Variants in ARHGAP22 observed in about 807,000 individuals in gnomAD.
ARHGAP22 encodes Rho GTPase activating protein 22.
A neutral mutation model predicts 59.1 loss-of-function variants in ARHGAP22; 48 were observed. That is an observed-to-expected ratio of 0.81 (90% CI 0.64 to 1.03). The LOEUF is 1.03. Ranked by LOEUF, ARHGAP22 falls within the 50% of genes least tolerant of loss-of-function variation. The probability of loss-of-function intolerance (pLI) is 0.00; values close to 1 mark genes in which losing one functional copy is unlikely to be tolerated. For missense variants in ARHGAP22, 1,015 were observed against 958.7 expected (o/e 1.06, Z -0.78); for synonymous variants, 445 against 416.4 (o/e 1.07, Z -0.84).
At chr10:48,524,605 A>C (rs555975777) in intron 3 of ARHGAP22, among the ~76,000 whole-genome samples, 36 of 152,168 alleles carry the variant, frequency 2.4e-4, no homozygotes, top group Admixed American at 1.6e-3. Context: ...CCCCAACCCC[A>C]CCAGCATCCT....
In ARHGAP22 at chr10:48,546,684, G is replaced by T. The variant is rs569809389; in HGVS notation, c.322+8779C>A. 7.3e-5 allele frequency: 12 copies of T among 164,178 alleles called. No homozygotes were observed. The South Asian group carries it at 9.2e-4, about 13-fold the overall frequency. 10.2% of individuals were successfully genotyped at this position (164,178 alleles called of 1,614,324 possible). On this transcript the variant is annotated intron_variant, in intron 3 of 9. Transcript: ENST00000249601. ...TTTGCTGAATGCTTTGAACTCTGAG[G>T]TTACTTACTGTGCCGTTGGCCAAGG...
intron 3 of ARHGAP22, among the ~76,000 whole-genome samples, chr10:48,483,319 A>G (rs2049513160): frequency 6.6e-6 from 1 of 152,204 alleles, no homozygotes. Context: ...CTACTGCTCA[A>G]GGTCACTGCC....
the ARHGAP22 span, among the ~76,000 whole-genome samples, chr10:48,432,056 T>A: frequency 1.3e-5 from 2 of 152,214 alleles, no homozygotes; most frequent in African/African-American, 4.8e-5. Flanking sequence ...GTGTGTGGTT[T>A]TTTCAGCCTC....
chr10:48,562,180 C>T (rs975590419), intron 2 of ARHGAP22, among the ~76,000 whole-genome samples: 28 of 150,226 alleles, frequency 1.9e-4, no homozygotes, highest in Admixed American at 3.3e-4. Context: ...GAGCTGAGAT[C>T]GAGCCACTGC....
intron 3 of ARHGAP22, among the ~76,000 whole-genome samples, chr10:48,551,711 G>C (rs1338510242): frequency 6.6e-6 from 1 of 152,220 alleles, no homozygotes; most frequent in Non-Finnish European, 1.5e-5. Flanking sequence ...AAGTCCCACT[G>C]GCACTAAAGC....
chr10:48,528,134 T>C (rs2054500983), intron 3 of ARHGAP22, among the ~76,000 whole-genome samples: 1 of 152,206 alleles, frequency 6.6e-6, no homozygotes, highest in East Asian at 1.9e-4. Context: ...TCCTGAAGCC[T>C]GTGCAGCCTG....
chr10:48,593,657 T>C (rs2059899002), intron 1 of ARHGAP22, among the ~76,000 whole-genome samples: 1 of 152,250 alleles, frequency 6.6e-6, no homozygotes, highest in South Asian at 2.1e-4. Flanking sequence ...ATTCATGTGC[T>C]GGGCAAGATA....
At chr10:48,494,294 G>A (rs1023417767) in intron 3 of ARHGAP22, among the ~76,000 whole-genome samples, 8 of 152,192 alleles carry the variant, frequency 5.3e-5, no homozygotes, top group Admixed American at 2.6e-4. Context: ...GTCAGCTGCT[G>A]CCTTTATGGT....
chr10:48,617,086 T>C (rs558433120), intron 1 of ARHGAP22, among the ~76,000 whole-genome samples: 2 of 128,816 alleles, frequency 1.6e-5, no homozygotes, highest in Non-Finnish European at 3.2e-5. Flanking sequence ...CAGAGATATA[T>C]AGAAAAAAAG....
At chr10:48,441,527 C>T (rs190759227), downstream of ARHGAP22, among the ~76,000 whole-genome samples, 2 of 151,142 alleles carry the variant, frequency 1.3e-5, no homozygotes, top group African/African-American at 4.9e-5. Context: ...TCTCCGCTCA[C>T]TGCAAACTCC....
chr10:48,518,209 A>C (rs1482928790), intron 3 of ARHGAP22, among the ~76,000 whole-genome samples: 1 of 152,114 alleles, frequency 6.6e-6, no homozygotes, highest in Non-Finnish European at 1.5e-5. Flanking sequence ...ACATCCCAGC[A>C]TGTGGTTCCA....
chr10:48,571,330 T>C (rs1170050677), intron 2 of ARHGAP22, among the ~76,000 whole-genome samples: 1 of 152,206 alleles, frequency 6.6e-6, no homozygotes, highest in Non-Finnish European at 1.5e-5. Context: ...ATTCAGAGCT[T>C]CATATACTGC....
chr10:48,463,376 C>T (rs919165584), intron 4 of ARHGAP22, among the ~76,000 whole-genome samples: 3 of 152,218 alleles, frequency 2.0e-5, no homozygotes, highest in Admixed American at 2.0e-4. Flanking sequence ...CTACACCTCT[C>T]AGGACCAGAG....
chr10:48,609,370 C>T (rs1411387648), upstream of ARHGAP22, among the ~76,000 whole-genome samples: 1 of 152,162 alleles, frequency 6.6e-6, no homozygotes, highest in African/African-American at 2.4e-5. Flanking sequence ...CTAGGCCTGG[C>T]TTCCAGGATT....
rs896461946 is a variant in ARHGAP22, at chr10:48,455,972, C to T, written c.660-838G>A. ...CAGGCCTCAGTCTCCCGCTCTGGCT[C>T]GGAGCTGCCAAGGCAGAAGTAGACC... is the stretch of plus-strand genomic sequence containing the variant. On this transcript the variant is annotated intron_variant, in intron 5 of 9. Coordinates refer to ENST00000249601, the MANE Select transcript of ARHGAP22 (RefSeq NM_021226.4). Among the ~76,000 whole-genome samples, 4 of 152,290 alleles carry T rather than the reference C, an allele frequency of 2.6e-5. No homozygotes were observed. The South Asian group carries it at 6.2e-4, about 24-fold the overall frequency.
At chr10:48,552,759 T>C (rs890591371) in intron 3 of ARHGAP22, among the ~76,000 whole-genome samples, 1 of 152,222 alleles carries the variant, frequency 6.6e-6, no homozygotes, top group African/African-American at 2.4e-5. Flanking sequence ...GTGAATGGGT[T>C]TCTTGGCCTT....
intron 3 of ARHGAP22, among the ~76,000 whole-genome samples, chr10:48,490,061 T>C (rs1257404203): frequency 6.6e-6 from 1 of 151,992 alleles, no homozygotes; most frequent in Non-Finnish European, 1.5e-5. Flanking sequence ...GTGCTTAGGG[T>C]CCAACGTCTA....
At chr10:48,491,866 A>T (rs2050427567) in intron 3 of ARHGAP22, among the ~76,000 whole-genome samples, 1 of 152,224 alleles carries the variant, frequency 6.6e-6, no homozygotes, top group South Asian at 2.1e-4. Context: ...GTACCAGGGA[A>T]CTATGACCCC....
At chr10:48,519,748 G>A (rs2053631417) in intron 3 of ARHGAP22, among the ~76,000 whole-genome samples, 1 of 152,236 alleles carries the variant, frequency 6.6e-6, no homozygotes, top group Non-Finnish European at 1.5e-5. Flanking sequence ...CCATTTGATG[G>A]CATCTTGAGA....
Sources: gnomAD v4.1 joint callset for allele counts (sites outside exome capture counted in the v4.1 genomes callset) on GRCh38, gnomAD v4.1.1 for gene constraint, MANE v1.5 for transcripts, NCBI Gene and HGNC (gene_info 2026-07-23, HGNC 2026-07-21) for gene names.